The following DHX15 variants were observed in gnomAD, a reference collection of about 807,000 sequenced individuals.
DHX15 encodes the protein ATP-dependent RNA helicase DHX15.
In DHX15, 11 loss-of-function variants were observed where a neutral mutation model predicts 94.4. The ratio of observed to expected loss-of-function variants is 0.12; its 90% confidence interval spans 0.07 to 0.19. The LOEUF is 0.19. DHX15 is among the 10% of genes least tolerant of loss of function. The probability of loss-of-function intolerance (pLI) is 1.00; values close to 1 mark genes in which losing one functional copy is unlikely to be tolerated. For synonymous variants in DHX15, 338 were observed against 329.9 expected (o/e 1.02, Z -0.27); for missense variants, 304 against 988.5 (o/e 0.31, Z 9.29).
chr4:24,560,686 G>A (rs1721855451), intron 3 of DHX15, among the ~76,000 whole-genome samples: 1 of 151,902 alleles, frequency 6.6e-6, no homozygotes, highest in African/African-American at 2.4e-5. Context: ...TTATAATACC[G>A]CATATTTGGT....
chr4:24,572,278 G>A (rs1722140103), intron 2 of DHX15, among the ~76,000 whole-genome samples: 2 of 152,152 alleles, frequency 1.3e-5, no homozygotes, highest in Non-Finnish European at 2.9e-5. Context: ...GGGACTACAG[G>A]CACGTGCCAC....
At chr4:24,541,414 T>C (rs1232891841) in intron 8 of DHX15, among the ~76,000 whole-genome samples, 1 of 152,126 alleles carries the variant, frequency 6.6e-6, no homozygotes, top group Non-Finnish European at 1.5e-5. Context: ...TTTTACTTAA[T>C]AATGGCCCCA....
intron 1 of DHX15, among the ~76,000 whole-genome samples, chr4:24,583,563 G>C (rs767000497): frequency 6.6e-6 from 1 of 152,044 alleles, no homozygotes; most frequent in Admixed American, 6.6e-5. Flanking sequence ...GGAGATGGCG[G>C]GAGCGTAGGC....
In DHX15 at chr4:24,545,863, A is replaced by AGCCTTAAAAAGTGTTCAAACC. The variant is rs1721411106; in HGVS notation, c.1249-2858_1249-2838dup. On this transcript the variant is annotated intron_variant, in intron 6 of 13. Coordinates refer to ENST00000336812, the MANE Select transcript of DHX15 (RefSeq NM_001358.3). The stretch of plus-strand genomic sequence containing the variant: ...GCAACACTGCAGTAAGCGTTCAAAG[A>AGCCTTAAAAAGTGTTCAAACC]GCCTTAAAAAGTGTTCAAACCGCAT... Among the ~76,000 whole-genome samples, 6 of 152,350 alleles carry AGCCTTAAAAAGTGTTCAAACC rather than the reference A, an allele frequency of 3.9e-5. No homozygotes were observed. In the South Asian group the frequency reaches 1.2e-3, roughly 32 times the overall value.
rs375965874 is a variant in DHX15 at position 24,533,433 on chromosome 4, G to A, written c.1910-379C>T. On this transcript the variant is annotated intron_variant, in intron 11 of 13. Coordinates refer to ENST00000336812, the MANE Select transcript of DHX15 (RefSeq NM_001358.3). ...CATTTTCAATGAAACTACAGCTTTA[G>A]ATTAAGATAACTGCAAACAATTGTT... The A allele has an allele frequency of 1.7e-4, 44 of 256,474 alleles. No homozygotes were observed. In the South Asian group the frequency reaches 2.3e-3, roughly 14 times the overall value. 15.9% of individuals were successfully genotyped at this position (256,474 alleles called of 1,614,324 possible).
chr4:24,560,497 G>A (rs1020509196), intron 3 of DHX15, among the ~76,000 whole-genome samples: 2 of 152,078 alleles, frequency 1.3e-5, no homozygotes, highest in East Asian at 1.9e-4. Flanking sequence ...CAAAATTCAA[G>A]TCTCTATGTA....
chr4:24,551,217 T>G (rs1408242203), intron 5 of DHX15, among the ~76,000 whole-genome samples: 3 of 152,168 alleles, frequency 2.0e-5, no homozygotes, highest in Non-Finnish European at 4.4e-5. Context: ...TTAATTCAAT[T>G]AAACCCAGAA....
At chr4:24,567,565 A>G (rs1722020118) in intron 3 of DHX15, among the ~76,000 whole-genome samples, 1 of 151,486 alleles carries the variant, frequency 6.6e-6, no homozygotes. Flanking sequence ...CGACAGAGCA[A>G]GACTCCGTCT....
intron 5 of DHX15, among the ~76,000 whole-genome samples, chr4:24,552,805 A>G (rs557515743): frequency 6.6e-6 from 1 of 152,308 alleles, no homozygotes; most frequent in Non-Finnish European, 1.5e-5. Context: ...TGACAACTAG[A>G]GCAGCATTTT....
intron 5 of DHX15, among the ~76,000 whole-genome samples, chr4:24,552,584 G>A (rs1386777618): frequency 2.6e-5 from 4 of 152,076 alleles, no homozygotes; most frequent in Admixed American, 6.5e-5. Context: ...TACTGATTTC[G>A]CAGTTGCATT....
intron 5 of DHX15, among the ~76,000 whole-genome samples, chr4:24,552,002 T>C (rs1454471292): frequency 6.6e-6 from 1 of 152,208 alleles, no homozygotes; most frequent in Non-Finnish European, 1.5e-5. Flanking sequence ...ATCTCTAAAA[T>C]GTGGAAGAAA....
At chr4:24,540,339 G>C (rs1034922294) in intron 9 of DHX15, 40 bp from the exon 10 acceptor site, 23 of 1,536,304 alleles carry the variant, frequency 1.5e-5, no homozygotes, top group Non-Finnish European at 2.0e-5. Context: ...GGTGCCTTAA[G>C]CAAGCAAAAA....
At chr4:24,550,029 G>A (rs1721553760) in intron 5 of DHX15, among the ~76,000 whole-genome samples, 1 of 139,450 alleles carries the variant, frequency 7.2e-6, no homozygotes, top group Non-Finnish European at 1.5e-5. Flanking sequence ...GGACGCAGGA[G>A]GTTGCAATAA....
intron 3 of DHX15, 31 bp from the exon 4 acceptor site, chr4:24,556,441 T>A: frequency 6.4e-7 from 1 of 1,554,100 alleles, no homozygotes. Context: ...TGGTTAAAGG[T>A]TCCGTTAGGT....
intron 3 of DHX15, among the ~76,000 whole-genome samples, chr4:24,570,306 A>T (rs1438291477): frequency 6.6e-6 from 1 of 152,162 alleles, no homozygotes; most frequent in African/African-American, 2.4e-5. Flanking sequence ...TCTTTCTAAA[A>T]GTAGTTATCT....
intron 2 of DHX15, among the ~76,000 whole-genome samples, chr4:24,574,836 T>C (rs1323208683): frequency 3.3e-5 from 5 of 152,238 alleles, no homozygotes; most frequent in African/African-American, 9.6e-5. Context: ...AGTTACAGTC[T>C]TTCTTGTAGT....
At chr4:24,553,152 A>G (rs1177715373) in intron 5 of DHX15, among the ~76,000 whole-genome samples, 1 of 151,940 alleles carries the variant, frequency 6.6e-6, no homozygotes, top group Admixed American at 6.6e-5. Flanking sequence ...GAGAAACCCC[A>G]TCTCTACCAA....
chr4:24,542,727 C>T (rs149266044), intron 7 of DHX15, among the ~76,000 whole-genome samples: 1 of 151,814 alleles, frequency 6.6e-6, no homozygotes, highest in East Asian at 1.9e-4. Context: ...AGCAAAGCAA[C>T]TCTAAAAGAA....
chr4:24,532,565 A>T lies in DHX15; in HGVS notation c.2100+299T>A, dbSNP rs1721106494. ...AGAAACAGGTGCCTAATCACATCTG[A>T]AAGTAGCCAAAGTTTCCATTTTGTA... On this transcript the variant is annotated intron_variant, in intron 12 of 13. Transcript: ENST00000336812. Among the ~76,000 whole-genome samples the T allele has an allele frequency of 2.0e-5, 3 of 152,248 alleles. No individual in the cohort carries two copies. In the South Asian group the frequency reaches 6.2e-4, roughly 32 times the overall value.
Sources: gnomAD v4.1 joint callset for allele counts (sites outside exome capture counted in the v4.1 genomes callset) on GRCh38, gnomAD v4.1.1 for gene constraint, MANE v1.5 for transcripts, NCBI Gene and HGNC (gene_info 2026-07-23, HGNC 2026-07-21) for gene names.